The following PLEKHO1 variants were observed in gnomAD, a reference collection of about 807,000 sequenced individuals.
PLEKHO1 encodes pleckstrin homology domain containing O1.
A neutral mutation model predicts 41.4 loss-of-function variants in PLEKHO1; 22 were observed. That is an observed-to-expected ratio of 0.53 (90% CI 0.38 to 0.76). The LOEUF is 0.76. Among genes scored for constraint, PLEKHO1 ranks in the 30% least tolerant of loss-of-function variants. The pLI, the probability that PLEKHO1 is intolerant of heterozygous loss-of-function variation, is 0.00. For synonymous variants in PLEKHO1, 225 were observed against 210.8 expected (o/e 1.07, Z -0.58); for missense variants, 488 against 518.3 (o/e 0.94, Z 0.57).
At position 150,157,373 on chromosome 1, in the gene PLEKHO1, A is replaced by G. The variant is rs1553820658; in HGVS notation, c.424-12A>G. ...CTGAAGAGCACTCATGATTCACAGTACATCTCTTCAGGTCACCGTTGAGGA... is the reference window on the plus strand; with the variant it reads ...CTGAAGAGCACTCATGATTCACAGTGCATCTCTTCAGGTCACCGTTGAGGA... On this transcript the variant is annotated splice_polypyrimidine_tract_variant and intron_variant, in intron 4 of 5. Coordinates refer to ENST00000369124, the MANE Select transcript of PLEKHO1 (RefSeq NM_016274.6). The G allele has an allele frequency of 1.3e-6, 2 of 1,599,714 alleles. No homozygotes were observed. The highest frequency in any genetic ancestry group is 1.7e-5 in the Admixed American group (1 of 60,012).
chr1:150,154,056 C>T (rs973967594), intron 2 of PLEKHO1: 2 of 152,294 alleles, frequency 1.3e-5, no homozygotes, highest in Admixed American at 6.5e-5. Flanking sequence ...TCAGTGTCTC[C>T]TGCTCCCCAG....
At chr1:150,158,312 C>T (rs1660261871) in intron 5 of PLEKHO1, among the ~76,000 whole-genome samples, 1 of 152,038 alleles carries the variant, frequency 6.6e-6, no homozygotes, top group Admixed American at 6.6e-5. Flanking sequence ...AAGTAACAAA[C>T]TAAATCACAG....
intron 2 of PLEKHO1, among the ~76,000 whole-genome samples, chr1:150,151,728 C>CT (rs1553819082): frequency 8.3e-5 from 12 of 144,160 alleles, no homozygotes; most frequent in Non-Finnish European, 1.5e-4. Flanking sequence ...GAGTTAAGAA[C>CT]CCCTGTATGT....
intron 2 of PLEKHO1, among the ~76,000 whole-genome samples, chr1:150,151,650 A>G (rs1659937845): frequency 6.6e-6 from 1 of 151,848 alleles, no homozygotes; most frequent in Non-Finnish European, 1.5e-5. Context: ...CATTTAAAAA[A>G]GGCAAGGAAC....
intron 2 of PLEKHO1, among the ~76,000 whole-genome samples, chr1:150,153,304 C>G (rs1297515391): frequency 6.6e-6 from 1 of 152,140 alleles, no homozygotes; most frequent in African/African-American, 2.4e-5. Context: ...CCTCCCACCT[C>G]AGCCTCCGGA....
intron 1 of PLEKHO1, chr1:150,150,683 C>G (rs1382108306): frequency 5.8e-6 from 3 of 516,332 alleles, no homozygotes; most frequent in Non-Finnish European, 1.0e-5. Flanking sequence ...GCCGGCGCCC[C>G]TGCCACTTGC....
At chr1:150,158,704 C>A in intron 5 of PLEKHO1, 115 bp from the exon 6 acceptor site, 1 of 754,754 alleles carries the variant, frequency 1.3e-6, no homozygotes, top group East Asian at 2.5e-5. Context: ...AAAAGTACTT[C>A]TCATTCAAGG....
At chr1:150,152,688 T>TAAAAAAAAAAAAAA (rs1407877862) in intron 2 of PLEKHO1, 9 of 74,062 alleles carry the variant, frequency 1.2e-4, no homozygotes, top group African/African-American at 2.7e-4. Context: ...CTTTCTAAAT[T>TAAAAAAAAAAAAAA]AAAAAAAAAA....
chr1:150,159,188 C>T lies in PLEKHO1; in HGVS notation c.895C>T (p.Leu299Phe), dbSNP rs1553821428. 6.2e-7 allele frequency: 1 copy of T among 1,613,664 alleles called. No individual in the cohort carries two copies. Among genetic ancestry groups the T allele is most frequent in the Middle Eastern group, 1.7e-4 (1 of 6,058 alleles). Residue 299 changes from leucine to phenylalanine, a missense_variant, in exon 6 of 6, where the codon CTC becomes TTC. Transcript: ENST00000369124. ...GGCTGAGGAACCCCCAACCCCTGCC[C>T]TCCCCAACCCGGGGCAGCTGTCCCG... ...LRAEEPPTPA[L>F]PNPGQLSRIQ... is the part of the protein sequence containing the mutation.
intron 5 of PLEKHO1, 61 bp from the exon 6 acceptor site, chr1:150,158,758 A>ATT: frequency 8.8e-7 from 1 of 1,136,106 alleles, no homozygotes; most frequent in Non-Finnish European, 1.3e-6. Context: ...TCTTTTAGGC[A>ATT]GTCATTCCGA....
chr1:150,152,688 T>TAAAAAAAAAAAA (rs1407877862), intron 2 of PLEKHO1: 22 of 74,062 alleles, frequency 3.0e-4, no homozygotes, highest in Admixed American at 3.8e-4. Context: ...CTTTCTAAAT[T>TAAAAAAAAAAAA]AAAAAAAAAA....
chr1:150,151,154 C>G, intron 2 of PLEKHO1, 96 bp downstream of exon 2: 2 of 1,436,682 alleles, frequency 1.4e-6, no homozygotes, highest in Non-Finnish European at 9.7e-7. Flanking sequence ...CCGTTTTGTT[C>G]CAAAGGCAAG....
At chr1:150,151,289 C>G (rs782535647) in intron 2 of PLEKHO1, among the ~76,000 whole-genome samples, 2 of 152,148 alleles carry the variant, frequency 1.3e-5, no homozygotes, top group Admixed American at 6.5e-5. Flanking sequence ...TTGCAAATAC[C>G]TTTCTAACAA....
rs587730484 is a variant in PLEKHO1, at chr1:150,155,930, C to A, written c.178-136C>A. On this transcript the variant is annotated intron_variant, in intron 2 of 5. Coordinates refer to ENST00000369124, the MANE Select transcript of PLEKHO1 (RefSeq NM_016274.6). ...ATGTGAGGACCTTGTAGGCTTTGGGCAGACGGCCCTCTCCTCTCCTGGCGT... is the reference window on the plus strand; with the variant it reads ...ATGTGAGGACCTTGTAGGCTTTGGGAAGACGGCCCTCTCCTCTCCTGGCGT... The A allele has an allele frequency of 2.3e-5, 17 of 746,056 alleles. No homozygotes were observed. The African/African-American group carries it at 3.0e-4, about 13-fold the overall frequency. The allele number at this position is 746,056 out of a possible 1,614,324, so 46.2% of individuals were successfully genotyped here.
chr1:150,157,555 A>G, intron 5 of PLEKHO1, 69 bp downstream of exon 5: 2 of 1,122,846 alleles, frequency 1.8e-6, no homozygotes, highest in South Asian at 2.6e-5. Flanking sequence ...ACAGAACTGT[A>G]TGCCACCAGA....
At chr1:150,158,314 A>T (rs1660262022) in intron 5 of PLEKHO1, among the ~76,000 whole-genome samples, 1 of 152,208 alleles carries the variant, frequency 6.6e-6, no homozygotes. Flanking sequence ...GTAACAAACT[A>T]AATCACAGAA....
In PLEKHO1 at chr1:150,159,052, C is replaced by A. The variant is rs1294378942; in HGVS notation, c.759C>A (p.Tyr253Ter). The change falls in exon 6 of 6, where the codon TAC becomes TAA. Residue 253 changes from tyrosine (Y) to a stop codon, truncating the protein, a stop_gained. Transcript: ENST00000369124. LOFTEE classifies it high-confidence loss of function. Reference protein sequence around the residue: ...PWEKTDKGATYTPQAPKKLTP... With the variant: ...PWEKTDKGAT ...AAAAAACAGACAAAGGGGCCACCTA[C>A]ACCCCCCAGGCACCCAAGAAGTTGA... 2 of 1,613,964 alleles carry A rather than the reference C, an allele frequency of 1.2e-6. No homozygotes were observed. Among genetic ancestry groups the A allele is most frequent in the Non-Finnish European group, 1.7e-6 (2 of 1,179,978 alleles).
Position 150,159,840 on chromosome 1 carries a change from A to T in PLEKHO1, c.*317A>T, listed in dbSNP as rs1308211772. 1 of 240,276 alleles carries T rather than the reference A, an allele frequency of 4.2e-6. No homozygotes were observed. The highest frequency in any genetic ancestry group is 2.2e-5 in the African/African-American group (1 of 45,066). The allele number at this position is 240,276 out of a possible 1,614,324, so 14.9% of individuals were successfully genotyped here. Reference sequence around the variant, plus strand: ...GCCCCCAAGACGGCACAGGGAGTCCACTGCTGCTCCCAAGGATACAGTGGG... The same window carrying T: ...GCCCCCAAGACGGCACAGGGAGTCCTCTGCTGCTCCCAAGGATACAGTGGG... On this transcript the variant is annotated 3_prime_UTR_variant, in exon 6 of 6. Transcript: ENST00000369124.
At chr1:150,151,362 C>T (rs782221316) in intron 2 of PLEKHO1, among the ~76,000 whole-genome samples, 5 of 152,324 alleles carry the variant, frequency 3.3e-5, no homozygotes, top group African/African-American at 1.2e-4. Context: ...CCCACCCTAA[C>T]CTGGCCTCCT....
Sources: allele counts gnomAD v4.1 joint callset (sites outside exome capture counted in the v4.1 genomes callset), GRCh38; gene constraint gnomAD v4.1.1; transcripts MANE v1.5; gene names NCBI Gene and HGNC (gene_info 2026-07-23, HGNC 2026-07-21).